CCDC148: variants seen among roughly 807,000 people sequenced by gnomAD.
CCDC148 encodes coiled-coil domain containing 148.
CCDC148 carries 89 observed loss-of-function variants against 85.7 expected under a neutral mutation model. The ratio of observed to expected loss-of-function variants is 1.04; its 90% confidence interval spans 0.87 to 1.24. CCDC148 has a LOEUF of 1.24. CCDC148 is among the 50% of genes most tolerant of loss of function. The probability of loss-of-function intolerance (pLI) is 0.00; values close to 1 mark genes in which losing one functional copy is unlikely to be tolerated. For synonymous variants in CCDC148, 230 were observed against 213.9 expected, an observed-to-expected ratio of 1.08 and a Z score of -0.66; for missense variants, 692 against 671.7, an observed-to-expected ratio of 1.03 and a Z score of -0.33.
chr2:158,432,837 G>T (rs1017127901), intron 1 of CCDC148, among the ~76,000 whole-genome samples: 3 of 151,802 alleles, frequency 2.0e-5, no homozygotes, highest in African/African-American at 7.3e-5. Flanking sequence ...ACTTTGGGAG[G>T]CCAAGGTGGG....
At chr2:158,443,153 G>A (rs1688006432) in intron 1 of CCDC148, among the ~76,000 whole-genome samples, 1 of 151,940 alleles carries the variant, frequency 6.6e-6, no homozygotes, top group Non-Finnish European at 1.5e-5. Context: ...AAAGGGGAAA[G>A]GCATATCTTG....
At chr2:158,364,112 A>C (rs777615501) in intron 1 of CCDC148, among the ~76,000 whole-genome samples, 9 of 152,230 alleles carry the variant, frequency 5.9e-5, no homozygotes, top group Non-Finnish European at 8.8e-5. Flanking sequence ...AGTGATGTGA[A>C]GGACCTCTTC....
intron 2 of CCDC148, among the ~76,000 whole-genome samples, chr2:158,350,016 A>G (rs1310610009): frequency 1.3e-5 from 2 of 152,154 alleles, no homozygotes; most frequent in Non-Finnish European, 2.9e-5. Context: ...TCTCAGGTAC[A>G]CAGTTATTTC....
chr2:158,237,464 T>C (rs1004727682), intron 10 of CCDC148, among the ~76,000 whole-genome samples: 21 of 152,166 alleles, frequency 1.4e-4, no homozygotes, highest in African/African-American at 4.8e-4. Flanking sequence ...GTCCTAATTA[T>C]ATTTTAAAGG....
chr2:158,448,938 C>T (rs1688276525), intron 1 of CCDC148, among the ~76,000 whole-genome samples: 1 of 152,094 alleles, frequency 6.6e-6, no homozygotes, highest in African/African-American at 2.4e-5. Context: ...AGCAATCCTC[C>T]AGCCTCAGCC....
chr2:158,194,016 TAA>T (rs1162384195), intron 11 of CCDC148, among the ~76,000 whole-genome samples: 1 of 142,042 alleles, frequency 7.0e-6, no homozygotes, highest in Admixed American at 7.1e-5. Flanking sequence ...TAAAGTATAA[TAA>T]AAAAAAAAAA....
intron 10 of CCDC148, among the ~76,000 whole-genome samples, chr2:158,222,773 T>C (rs1687257182): frequency 1.3e-5 from 2 of 152,210 alleles, no homozygotes; most frequent in African/African-American, 4.8e-5. Context: ...CCTGTCGTTA[T>C]CATTGGCATG....
chr2:158,323,682 T>C (rs1692623241), intron 7 of CCDC148, among the ~76,000 whole-genome samples: 1 of 152,124 alleles, frequency 6.6e-6, no homozygotes, highest in Non-Finnish European at 1.5e-5. Context: ...TTTGGGGAAA[T>C]TGCTCACCTT....
chr2:158,250,753 T>A lies in CCDC148; in HGVS notation c.1251+19A>T, dbSNP rs768852180. 6.5e-7 allele frequency: 1 copy of A among 1,527,588 alleles called. No homozygotes were observed. The highest frequency in any genetic ancestry group is 8.8e-7 in the Non-Finnish European group (1 of 1,141,800). The allele number at this position is 1,527,588 out of a possible 1,614,324, so 94.6% of individuals were successfully genotyped here. ...TTAAGCATTCATTCACACATTCGTA[T>A]TGACAATAGATTTTTTACTTTTTTT... On this transcript the variant is annotated intron_variant, in intron 10 of 13. Transcript: ENST00000283233.
At position 158,250,924 on chromosome 2, in the gene CCDC148, A is replaced by C; in HGVS notation, c.1111-12T>G. On this transcript the variant is annotated splice_polypyrimidine_tract_variant and intron_variant, in intron 9 of 13. Coordinates refer to ENST00000283233, the MANE Select transcript of CCDC148 (RefSeq NM_138803.4). ...CGCCATTGACGAACCTGAAATAAAG[A>C]GAAAAACTTCATTCCAGTAACTATG... The C allele has an allele frequency of 6.3e-7, 1 of 1,591,352 alleles. No homozygotes were observed. Among genetic ancestry groups the C allele is most frequent in the Non-Finnish European group, 8.5e-7 (1 of 1,174,424 alleles).
chr2:158,341,076 G>A (rs1682664069), intron 3 of CCDC148, among the ~76,000 whole-genome samples: 1 of 152,124 alleles, frequency 6.6e-6, no homozygotes, highest in African/African-American at 2.4e-5. Context: ...GACAAATCTA[G>A]ACCAACAAGG....
chr2:158,353,940 A>T (rs992722534), intron 2 of CCDC148, among the ~76,000 whole-genome samples: 10 of 152,164 alleles, frequency 6.6e-5, no homozygotes, highest in Non-Finnish European at 1.0e-4. Flanking sequence ...AAACCACTCA[A>T]CTACATGGAA....
At chr2:158,338,635 A>T (rs1559080985) in intron 7 of CCDC148, 91 bp downstream of exon 7, 2 of 839,420 alleles carry the variant, frequency 2.4e-6, no homozygotes, top group Non-Finnish European at 3.7e-6. Flanking sequence ...TTACATAGTA[A>T]CTATACAGTA....
intron 9 of CCDC148, among the ~76,000 whole-genome samples, chr2:158,258,762 C>T (rs1689105790): frequency 6.6e-6 from 1 of 151,798 alleles, no homozygotes; most frequent in Non-Finnish European, 1.5e-5. Flanking sequence ...ACTGTTGCTC[C>T]TCTCTCTCTA....
chr2:158,327,242 T>C (rs184742002), intron 7 of CCDC148, among the ~76,000 whole-genome samples: 6 of 152,290 alleles, frequency 3.9e-5, no homozygotes, highest in African/African-American at 1.4e-4. Flanking sequence ...ATAGAAAAGA[T>C]TCACCAGTTT....
At chr2:158,439,192 C>T (rs1280495934) in intron 1 of CCDC148, among the ~76,000 whole-genome samples, 1 of 152,152 alleles carries the variant, frequency 6.6e-6, no homozygotes, top group Non-Finnish European at 1.5e-5. Flanking sequence ...TTTATTGTGG[C>T]ACTATTCACA....
chr2:158,363,846 T>C (rs1196515268), intron 1 of CCDC148, among the ~76,000 whole-genome samples: 3 of 152,170 alleles, frequency 2.0e-5, no homozygotes, highest in Admixed American at 2.0e-4. Flanking sequence ...ATAAAGGGTA[T>C]TCAAATAGGA....
In CCDC148 at chr2:158,176,055, G is replaced by A. The variant is rs192948606; in HGVS notation, c.1629+466C>T. On this transcript the variant is annotated intron_variant, in intron 13 of 13. Transcript: ENST00000283233. ...CTTAACACCTTTTTCCGTAAAAAAT[G>A]TTTTATCATTAGCTCTGATGTATTA... 5.9e-4 allele frequency among the ~76,000 whole-genome samples: 89 copies of A among 152,066 alleles called. 2 individuals carry two copies. The highest frequency in any genetic ancestry group is 3.4e-3 in the Middle Eastern group (1 of 292).
At chr2:158,449,246 T>A (rs904473776) in intron 1 of CCDC148, among the ~76,000 whole-genome samples, 7 of 152,214 alleles carry the variant, frequency 4.6e-5, no homozygotes, top group Non-Finnish European at 7.3e-5. Flanking sequence ...TAGGTCCTAG[T>A]AGGATTTTTT....
Sources: allele counts gnomAD v4.1 joint callset (sites outside exome capture counted in the v4.1 genomes callset), GRCh38; gene constraint gnomAD v4.1.1; transcripts MANE v1.5; gene names NCBI Gene and HGNC (gene_info 2026-07-23, HGNC 2026-07-21).